Variants in EDC3 observed in about 807,000 individuals in gnomAD.
EDC3 encodes the protein enhancer of mRNA decapping 3.
A neutral mutation model predicts 41.8 loss-of-function variants in EDC3; 20 were observed. The ratio of observed to expected loss-of-function variants is 0.48; its 90% CI spans 0.34 to 0.70. The LOEUF (loss-of-function observed/expected upper bound fraction) is 0.70. EDC3 is among the 30% of genes least tolerant of loss of function. The pLI, the probability that EDC3 is intolerant of heterozygous loss-of-function variation, is 0.01. For synonymous variants in EDC3, 206 were observed against 243.2 expected (o/e 0.85, Z 1.42); for missense variants, 444 against 636.8 (o/e 0.70, Z 3.26).
chr15:74,682,068 G>C (rs1262727856), intron 1 of EDC3, among the ~76,000 whole-genome samples: 1 of 152,154 alleles, frequency 6.6e-6, no homozygotes, highest in Admixed American at 6.6e-5. Flanking sequence ...TAGTAAGAAT[G>C]TGGAAAAAAT....
intron 4 of EDC3, chr15:74,642,390 G>A (rs1406646840): frequency 6.6e-6 from 1 of 152,238 alleles, no homozygotes; most frequent in African/African-American, 2.4e-5. Flanking sequence ...AGGTGCCAGT[G>A]CTGGAGGCTG....
intron 2 of EDC3, among the ~76,000 whole-genome samples, chr15:74,673,918 G>A (rs1451371291): frequency 6.6e-6 from 1 of 150,874 alleles, no homozygotes; most frequent in Non-Finnish European, 1.5e-5. Context: ...TAAAAGCTGA[G>A]AAAAGAACCA....
intron 3 of EDC3, among the ~76,000 whole-genome samples, chr15:74,669,004 G>A (rs1361932538): frequency 1.3e-5 from 2 of 152,158 alleles, no homozygotes; most frequent in East Asian, 3.9e-4. Flanking sequence ...GGGAGGCCGA[G>A]GCAGGCAGAT....
chr15:74,691,481 G>A (rs1049380091), intron 1 of EDC3, among the ~76,000 whole-genome samples: 7 of 152,128 alleles, frequency 4.6e-5, no homozygotes, highest in Admixed American at 4.6e-4. Flanking sequence ...CGCTGTGAGG[G>A]CCACCTCACT....
chr15:74,651,148 GTTTTATA>G (rs1235633736), intron 4 of EDC3, among the ~76,000 whole-genome samples: 1 of 152,214 alleles, frequency 6.6e-6, no homozygotes, highest in Non-Finnish European at 1.5e-5. Flanking sequence ...CACATCTAGT[GTTTTATA>G]TTTAAACTTA....
rs189508912 is a variant in EDC3, at chr15:74,689,746, G to A, written c.-19+6134C>T. On this transcript the variant is annotated intron_variant, in intron 1 of 6. Transcript: ENST00000315127. ...TCACCGTGTTAGCCAGGATGGTCTC[G>A]ATCTCCTGACCTCATGATCCGCCCG... Among the ~76,000 whole-genome samples, 530 of 151,880 alleles carry A rather than the reference G, an allele frequency of 3.5e-3. 6 individuals carry two copies. The highest frequency in any genetic ancestry group is 0.022 in the East Asian group (113 of 5,144).
At chr15:74,664,093 G>C (rs1040485562) in intron 3 of EDC3, among the ~76,000 whole-genome samples, 1 of 152,242 alleles carries the variant, frequency 6.6e-6, no homozygotes, top group African/African-American at 2.4e-5. Context: ...CAGGAAAGCA[G>C]AGTGTGAAAA....
At chr15:74,659,157 C>T (rs531150498) in intron 3 of EDC3, among the ~76,000 whole-genome samples, 1 of 152,106 alleles carries the variant, frequency 6.6e-6, no homozygotes, top group South Asian at 2.1e-4. Context: ...AGACATGCTG[C>T]TCAACAAGGA....
Position 74,632,793 on chromosome 15 carries a change from A to C in EDC3, c.1346T>G (p.Val449Gly), listed in dbSNP as rs148691547. The part of the protein sequence containing the change: ...VLSIDPPVHE[V>G]EQGIDAKWSL... ...CCATTTGGCATCAATGCCCTGTTCG[A>C]CTTCATGCACAGGAGGGTCTATGCT... The change falls in exon 7 of 7, where the codon GTC becomes GGC. Residue 449 changes from valine (V) to glycine (G), a missense_variant. Around this residue, in one of 3 missense-constraint regions of EDC3, gnomAD observed 242 missense variants for 363.8 expected, o/e 0.67. Coordinates refer to ENST00000315127, the MANE Select transcript of EDC3 (RefSeq NM_025083.5). This position sits in a 1 kb window ranked among gnomAD's most constrained non-coding sequence, Gnocchi z 4.0. 51 of 1,614,114 alleles carry C rather than the reference A, an allele frequency of 3.2e-5. No homozygotes were observed. The highest frequency in any genetic ancestry group is 4.3e-5 in the Non-Finnish European group (51 of 1,180,042).
intron 5 of EDC3, chr15:74,636,817 C>G (rs781582216): frequency 3.3e-5 from 5 of 152,202 alleles, no homozygotes; most frequent in African/African-American, 1.2e-4. Context: ...GAGAATTGCT[C>G]CCTTCAGAGG....
chr15:74,638,292 A>G (rs2062300150), intron 5 of EDC3: 2 of 146,822 alleles, frequency 1.4e-5, no homozygotes, highest in African/African-American at 5.1e-5. Context: ...CTAAATCTCT[A>G]GCATCAGCTA....
intron 5 of EDC3, 165 bp from the exon 6 acceptor site, chr15:74,635,791 T>C (rs2062266041): frequency 3.1e-6 from 2 of 650,696 alleles, no homozygotes; most frequent in South Asian, 2.0e-5. Flanking sequence ...GCCAGGTCTA[T>C]AGGGTGGCAC....
intron 4 of EDC3, among the ~76,000 whole-genome samples, chr15:74,651,894 C>G (rs2062484781): frequency 6.6e-6 from 1 of 152,194 alleles, no homozygotes; most frequent in Admixed American, 6.5e-5. Context: ...CATAGTTCAG[C>G]CTAGCCTACC....
intron 1 of EDC3, among the ~76,000 whole-genome samples, chr15:74,681,447 G>T (rs2062869710): frequency 6.6e-6 from 1 of 152,140 alleles, no homozygotes; most frequent in Non-Finnish European, 1.5e-5. Flanking sequence ...ACCACGCCTG[G>T]CTGCTAAATC....
chr15:74,643,403 T>G (rs890032819), intron 4 of EDC3: 1 of 152,144 alleles, frequency 6.6e-6, no homozygotes, highest in African/African-American at 2.4e-5. Context: ...AACCAGATCG[T>G]GACAAGCAGA....
At chr15:74,666,852 A>G (rs1322571067) in intron 3 of EDC3, among the ~76,000 whole-genome samples, 1 of 152,218 alleles carries the variant, frequency 6.6e-6, no homozygotes, top group Non-Finnish European at 1.5e-5. Context: ...ATTTTTAAAA[A>G]TCATTTAGGA....
chr15:74,648,470 G>A (rs1243745632), intron 4 of EDC3, among the ~76,000 whole-genome samples: 4 of 152,240 alleles, frequency 2.6e-5, no homozygotes, highest in South Asian at 2.1e-4. Context: ...AGACTTAGCC[G>A]GCCAGCGTGA....
At chr15:74,670,084 C>T (rs1015091607) in intron 3 of EDC3, among the ~76,000 whole-genome samples, 2 of 147,028 alleles carry the variant, frequency 1.4e-5, no homozygotes, top group African/African-American at 5.1e-5. Flanking sequence ...TCTCGAACTC[C>T]TGGGCTCAAG....
chr15:74,646,986 C>T (rs1409122896), intron 4 of EDC3, among the ~76,000 whole-genome samples: 2 of 151,462 alleles, frequency 1.3e-5, no homozygotes, highest in South Asian at 2.1e-4. Context: ...GAAAAAATGA[C>T]CTCCCTAGTC....
Sources: gnomAD v4.1 joint callset for allele counts (sites outside exome capture counted in the v4.1 genomes callset) on GRCh38, gnomAD v4.1.1 for gene constraint, gnomAD v4.1.1 regional missense constraint, Gnocchi (gnomAD v3.1) non-coding constraint, MANE v1.5 for transcripts, NCBI Gene and HGNC (gene_info 2026-07-23, HGNC 2026-07-21) for gene names.